The following NDUFAF2 variants were observed in gnomAD, a reference collection of about 807,000 sequenced individuals.
NDUFAF2 encodes NADH dehydrogenase [ubiquinone] 1 alpha subcomplex assembly factor 2.
A neutral mutation model predicts 22.8 loss-of-function variants in NDUFAF2; 13 were observed. The observed-to-expected ratio is 0.57, with a 90% CI of 0.37 to 0.91. The LOEUF (loss-of-function observed/expected upper bound fraction) is 0.91. Among genes scored for constraint, NDUFAF2 ranks in the 40% least tolerant of loss-of-function variants. The probability of loss-of-function intolerance (pLI) is 0.01; values close to 1 mark genes in which losing one functional copy is unlikely to be tolerated. For synonymous variants in NDUFAF2, 53 were observed against 64.2 expected (o/e 0.83, Z 0.84); for missense variants, 162 against 195.2 (o/e 0.83, Z 1.01).
chr5:61,012,334 T>G lies in NDUFAF2; in HGVS notation c.128-60791T>G, dbSNP rs577267653. On this transcript the variant is annotated intron_variant, in intron 1 of 3. Transcript: ENST00000296597. ...CAAGATCTTCTACAGAACTCTCAAA[T>G]TCAACATTTTTTACATGTTTAAAAT... 3.9e-5 allele frequency among the ~76,000 whole-genome samples: 6 copies of G among 152,248 alleles called. No individual in the cohort carries two copies. The East Asian group carries it at 9.7e-4, about 25-fold the overall frequency.
intron 1 of NDUFAF2, among the ~76,000 whole-genome samples, chr5:60,977,808 G>A (rs1304384836): frequency 2.8e-5 from 4 of 145,118 alleles, no homozygotes; most frequent in Non-Finnish European, 4.5e-5. Flanking sequence ...CTGCACTCCA[G>A]TCTGGGCTAC....
chr5:61,099,449 C>T (rs1411915083), intron 3 of NDUFAF2, among the ~76,000 whole-genome samples: 1 of 150,520 alleles, frequency 6.6e-6, no homozygotes, highest in African/African-American at 2.4e-5. Flanking sequence ...CTTATGTTTC[C>T]CTTAATATTA....
intron 2 of NDUFAF2, among the ~76,000 whole-genome samples, chr5:61,084,403 C>T (rs1404133679): frequency 1.3e-5 from 2 of 152,026 alleles, no homozygotes; most frequent in African/African-American, 2.4e-5. Flanking sequence ...CTATCAGCAG[C>T]ATTCATCGCC....
At chr5:61,126,437 T>C (rs914730737) in intron 3 of NDUFAF2, among the ~76,000 whole-genome samples, 2 of 152,036 alleles carry the variant, frequency 1.3e-5, no homozygotes, top group African/African-American at 4.8e-5. Flanking sequence ...ACTAATTGTA[T>C]GACGGATTAG....
chr5:61,111,659 C>A (rs1752842182), intron 3 of NDUFAF2, among the ~76,000 whole-genome samples: 1 of 151,928 alleles, frequency 6.6e-6, no homozygotes, highest in Admixed American at 6.6e-5. Context: ...CACTCTGTTG[C>A]CCAGGCTGGA....
rs1460325245 is a variant in NDUFAF2 at position 61,132,617 on chromosome 5, A to G, written c.259-20087A>G. 3.3e-5 allele frequency among the ~76,000 whole-genome samples: 5 copies of G among 152,104 alleles called. No homozygotes were observed. The East Asian group carries it at 9.6e-4, about 29-fold the overall frequency. On this transcript the variant is annotated intron_variant, in intron 3 of 3. Transcript: ENST00000296597. ...CCCTAATTAGTAGTCTAGCCTTTTC[A>G]GTTTCTCTTAGCAGAAGAGATGTTA...
chr5:61,010,342 C>G, intron 1 of NDUFAF2, among the ~76,000 whole-genome samples: 1 of 152,218 alleles, frequency 6.6e-6, no homozygotes, highest in South Asian at 2.1e-4. Flanking sequence ...AGTATTATCT[C>G]ACTCTACTCT....
intron 1 of NDUFAF2, among the ~76,000 whole-genome samples, chr5:61,005,498 G>C (rs563830347): frequency 3.3e-5 from 5 of 152,162 alleles, no homozygotes; most frequent in East Asian, 3.9e-4. Context: ...TTCTAGATCC[G>C]TGAGGAATTG....
chr5:60,974,106 C>CT (rs1750869989), intron 1 of NDUFAF2, among the ~76,000 whole-genome samples: 1 of 152,164 alleles, frequency 6.6e-6, no homozygotes, highest in South Asian at 2.1e-4. Flanking sequence ...AGTCAGTGGA[C>CT]TGGGAGGGAC....
chr5:61,006,210 A>T (rs1181756038), intron 1 of NDUFAF2, among the ~76,000 whole-genome samples: 1 of 152,104 alleles, frequency 6.6e-6, no homozygotes, highest in African/African-American at 2.4e-5. Context: ...TCCTTTCCCC[A>T]TTTCTTGTTT....
chr5:60,955,573 T>A (rs946666433), intron 1 of NDUFAF2, among the ~76,000 whole-genome samples: 1 of 152,190 alleles, frequency 6.6e-6, no homozygotes, highest in African/African-American at 2.4e-5. Flanking sequence ...TCCATATGAA[T>A]TTTAGGATTG....
chr5:61,019,899 T>A (rs1751556893), intron 1 of NDUFAF2, among the ~76,000 whole-genome samples: 1 of 152,122 alleles, frequency 6.6e-6, no homozygotes, highest in African/African-American at 2.4e-5. Context: ...AGAGGTTAGA[T>A]GTTCCTAAGT....
At chr5:61,001,846 A>T (rs948829382) in intron 1 of NDUFAF2, among the ~76,000 whole-genome samples, 10 of 152,092 alleles carry the variant, frequency 6.6e-5, no homozygotes, top group Non-Finnish European at 1.2e-4. Flanking sequence ...TGCTGGCCCA[A>T]TGCCAACAAA....
chr5:61,009,641 A>T (rs1751418720), intron 1 of NDUFAF2, among the ~76,000 whole-genome samples: 2 of 152,054 alleles, frequency 1.3e-5, no homozygotes, highest in African/African-American at 4.8e-5. Flanking sequence ...CTCTTTAGTA[A>T]TTGGGCTAAT....
chr5:60,947,827 G>T (rs1580061681), intron 1 of NDUFAF2, among the ~76,000 whole-genome samples: 1 of 149,394 alleles, frequency 6.7e-6, no homozygotes. Flanking sequence ...ACCAGTTTTT[G>T]TATCATTCAT....
chr5:61,114,090 T>C (rs1475544322), intron 3 of NDUFAF2, among the ~76,000 whole-genome samples: 1 of 152,182 alleles, frequency 6.6e-6, no homozygotes, highest in Admixed American at 6.5e-5. Flanking sequence ...GGGAAGTTCC[T>C]TGTTATTTTA....
intron 3 of NDUFAF2, 38 bp downstream of exon 3, chr5:61,099,070 T>C: frequency 6.8e-7 from 1 of 1,477,832 alleles, no homozygotes; most frequent in Non-Finnish European, 9.3e-7. Context: ...TAGGAGTATA[T>C]ATTCCCAAGG....
chr5:61,145,033 A>G (rs1214862605), intron 3 of NDUFAF2, among the ~76,000 whole-genome samples: 2 of 152,222 alleles, frequency 1.3e-5, no homozygotes, highest in East Asian at 3.8e-4. Context: ...ACTACTTATT[A>G]TATCATGCCT....
chr5:61,057,149 C>T (rs1235720083), intron 1 of NDUFAF2, among the ~76,000 whole-genome samples: 2 of 151,476 alleles, frequency 1.3e-5, no homozygotes, highest in African/African-American at 2.4e-5. Context: ...GTTGTTTTTC[C>T]CTCTTGTTGT....
Sources: allele counts gnomAD v4.1 joint callset (sites outside exome capture counted in the v4.1 genomes callset), GRCh38; gene constraint gnomAD v4.1.1; transcripts MANE v1.5; gene names NCBI Gene and HGNC (gene_info 2026-07-23, HGNC 2026-07-21).